The following NELL1 variants were observed in gnomAD, a reference collection of about 807,000 sequenced individuals.
The protein encoded by NELL1 is protein kinase C-binding protein NELL1.
Under a neutral mutation model 107.4 loss-of-function variants are expected in NELL1, and 76 were observed. The observed-to-expected ratio is 0.71, with a 90% CI of 0.59 to 0.86. The LOEUF is 0.86. NELL1 is among the 40% of genes least tolerant of loss of function. NELL1 has a pLI of 0.00. For missense variants in NELL1, 1,024 were observed against 1,005.5 expected (o/e 1.02, Z -0.25); for synonymous variants, 353 against 341.2 (o/e 1.03, Z -0.38).
At chr11:21,127,982 T>C (rs1023634851) in intron 13 of NELL1, among the ~76,000 whole-genome samples, 3 of 152,156 alleles carry the variant, frequency 2.0e-5, no homozygotes, top group Admixed American at 6.5e-5. Context: ...TTCTGTATTA[T>C]CATGATGATC....
chr11:20,972,869 C>A (rs1370190114), intron 12 of NELL1, among the ~76,000 whole-genome samples: 1 of 152,120 alleles, frequency 6.6e-6, no homozygotes, highest in Non-Finnish European at 1.5e-5. Flanking sequence ...GCAGTCCAGA[C>A]AAGATGCAAT....
In NELL1 at chr11:20,831,110, G is replaced by C. The variant is rs1235901038; in HGVS notation, c.336-16473G>C. ...CCACTGAACATGTGAGTAAGTTTCT[G>C]ATATCTTCTTGCATTCTTATGTCCA... On this transcript the variant is annotated intron_variant, in intron 3 of 19. Coordinates refer to ENST00000357134, the MANE Select transcript of NELL1 (RefSeq NM_006157.5). Among the ~76,000 whole-genome samples the C allele has an allele frequency of 2.0e-5, 3 of 152,182 alleles. No homozygotes were observed. In the East Asian group the frequency reaches 5.8e-4, roughly 29 times the overall value.
At chr11:21,322,222 A>G (rs1850027498) in intron 14 of NELL1, among the ~76,000 whole-genome samples, 2 of 152,180 alleles carry the variant, frequency 1.3e-5, no homozygotes, top group African/African-American at 4.8e-5. Context: ...CTAGACTATG[A>G]GTTAAAAGAC....
intron 15 of NELL1, among the ~76,000 whole-genome samples, chr11:21,409,065 G>T (rs1311891653): frequency 1.3e-5 from 2 of 151,974 alleles, no homozygotes; most frequent in Non-Finnish European, 2.9e-5. Context: ...ATTTGACCCA[G>T]CCATCCCATT....
intron 15 of NELL1, among the ~76,000 whole-genome samples, chr11:21,432,667 C>T (rs1371200462): frequency 6.6e-6 from 1 of 151,972 alleles, no homozygotes; most frequent in East Asian, 1.9e-4. Flanking sequence ...AAATAGAGAT[C>T]TATTCTGAAT....
intron 12 of NELL1, among the ~76,000 whole-genome samples, chr11:20,999,001 G>C (rs1292836801): frequency 6.6e-6 from 1 of 152,118 alleles, no homozygotes. Context: ...AAAATTAAAT[G>C]AGAGTTCTAT....
intron 15 of NELL1, among the ~76,000 whole-genome samples, chr11:21,411,230 A>C (rs777634310): frequency 4.9e-4 from 74 of 152,066 alleles, no homozygotes; most frequent in Non-Finnish European, 9.4e-4. Flanking sequence ...GGCATTCAAG[A>C]AAAAGGAAGT....
rs141420021 is a variant in NELL1, at chr11:20,702,866, A to T, written c.184+24806A>T. Among the ~76,000 whole-genome samples the T allele has an allele frequency of 6.8e-3, 1,040 of 152,308 alleles. 8 individuals are homozygous for T. Among genetic ancestry groups the T allele is most frequent in the African/African-American group, 0.024 (991 of 41,572 alleles). On this transcript the variant is annotated intron_variant, in intron 2 of 19. Transcript: ENST00000357134. ...GCATCCCAGGGATGAAGCCCACTTC[A>T]TCATGGTGGATAAGCTTTTTGAGGT...
chr11:21,266,191 A>T (rs1848629582), intron 14 of NELL1, among the ~76,000 whole-genome samples: 1 of 150,144 alleles, frequency 6.7e-6, no homozygotes, highest in Non-Finnish European at 1.5e-5. Flanking sequence ...CCATTTAGGT[A>T]TTTTTTTTTT....
intron 2 of NELL1, among the ~76,000 whole-genome samples, chr11:20,712,041 T>C (rs2133896999): frequency 6.6e-6 from 1 of 152,316 alleles, no homozygotes; most frequent in Middle Eastern, 3.4e-3. Context: ...CCCTCAAATA[T>C]GTGTTCCAAA....
At chr11:21,169,131 C>T (rs1350330387) in intron 13 of NELL1, among the ~76,000 whole-genome samples, 1 of 151,738 alleles carries the variant, frequency 6.6e-6, no homozygotes, top group Non-Finnish European at 1.5e-5. Flanking sequence ...TTTAATCTTG[C>T]CAGATAACTG....
chr11:21,020,261 G>A (rs1294194745), intron 12 of NELL1, among the ~76,000 whole-genome samples: 1 of 152,074 alleles, frequency 6.6e-6, no homozygotes, highest in African/African-American at 2.4e-5. Flanking sequence ...CAACATTATT[G>A]TGTGGTTCTC....
intron 3 of NELL1, among the ~76,000 whole-genome samples, chr11:20,801,770 G>A (rs558042556): frequency 6.6e-6 from 1 of 152,286 alleles, no homozygotes; most frequent in South Asian, 2.1e-4. Flanking sequence ...GCAAGAGATA[G>A]GGGTCTAGTT....
intron 12 of NELL1, among the ~76,000 whole-genome samples, chr11:21,026,754 GTGATCC>G (rs1227696087): frequency 6.6e-6 from 1 of 152,082 alleles, no homozygotes; most frequent in Non-Finnish European, 1.5e-5. Flanking sequence ...AATATTCACC[GTGATCC>G]TTTGAGTTAA....
chr11:21,198,772 A>G (rs935119263), intron 13 of NELL1, among the ~76,000 whole-genome samples: 1 of 152,136 alleles, frequency 6.6e-6, no homozygotes, highest in Admixed American at 6.6e-5. Flanking sequence ...TTCAAAGTCT[A>G]TCCTCTGCCT....
At chr11:20,926,115 A>C (rs148556168) in intron 7 of NELL1, among the ~76,000 whole-genome samples, 2 of 152,332 alleles carry the variant, frequency 1.3e-5, no homozygotes, top group Non-Finnish European at 2.9e-5. Flanking sequence ...CTAGGAAACG[A>C]TACTTGTTTT....
At position 20,867,803 on chromosome 11, in the gene NELL1, C is replaced by A. The variant is rs1302607481; in HGVS notation, c.507-17641C>A. Among the ~76,000 whole-genome samples, 3 of 152,182 alleles carry A rather than the reference C, an allele frequency of 2.0e-5. 1 individual carries two copies. Among genetic ancestry groups the A allele is most frequent in the Admixed American group, 2.0e-4 (3 of 15,270 alleles). On this transcript the variant is annotated intron_variant, in intron 4 of 19. Coordinates refer to ENST00000357134, the MANE Select transcript of NELL1 (RefSeq NM_006157.5). Reference sequence around the variant, plus strand: ...AGATCCTTCTACTCCAGTACCTGCACACTTTGGATACAGAGGAGCAACCAA... The same window carrying A: ...AGATCCTTCTACTCCAGTACCTGCAAACTTTGGATACAGAGGAGCAACCAA...
At chr11:21,229,559 G>GCTGT in intron 14 of NELL1, 105 bp downstream of exon 14, 2 of 1,449,856 alleles carry the variant, frequency 1.4e-6, no homozygotes, top group Non-Finnish European at 1.9e-6. Context: ...ACACAGCCAG[G>GCTGT]GTTCCTGCTC....
intron 14 of NELL1, among the ~76,000 whole-genome samples, chr11:21,346,617 T>C (rs1274669232): frequency 6.8e-6 from 1 of 148,058 alleles, no homozygotes; most frequent in Non-Finnish European, 1.5e-5. Context: ...TTGATATATA[T>C]GCTGTATCAA....
Sources: gnomAD v4.1 joint callset for allele counts (sites outside exome capture counted in the v4.1 genomes callset) on GRCh38, gnomAD v4.1.1 for gene constraint, MANE v1.5 for transcripts, NCBI Gene and HGNC (gene_info 2026-07-23, HGNC 2026-07-21) for gene names.